The following CFAP58 variants were observed in gnomAD, a reference collection of about 807,000 sequenced individuals.
CFAP58 encodes cilia- and flagella-associated protein 58.
A neutral mutation model predicts 119.5 loss-of-function variants in CFAP58; 88 were observed. The observed-to-expected ratio is 0.74, with a 90% CI of 0.62 to 0.88. The LOEUF (loss-of-function observed/expected upper bound fraction) is 0.88, where lower values mean the gene tolerates loss of function less well. CFAP58 is among the 40% of genes least tolerant of loss of function. CFAP58 has a pLI of 0.00. For synonymous variants in CFAP58, 365 were observed against 366.3 expected (o/e 1.00, Z 0.04); for missense variants, 990 against 1,021.2 (o/e 0.97, Z 0.42).
intron 1 of CFAP58, among the ~76,000 whole-genome samples, chr10:104,354,179 G>A (rs2014508656): frequency 6.6e-6 from 1 of 152,164 alleles, no homozygotes; most frequent in African/African-American, 2.4e-5. Flanking sequence ...AAATCCACAC[G>A]TGACATGCAC....
intron 11 of CFAP58, among the ~76,000 whole-genome samples, chr10:104,396,232 T>C (rs1470229893): frequency 6.6e-6 from 1 of 152,158 alleles, no homozygotes; most frequent in African/African-American, 2.4e-5. Context: ...TGATAGCACT[T>C]TGATTCTTGG....
At chr10:104,378,913 T>TAA (rs35459140) in intron 8 of CFAP58, among the ~76,000 whole-genome samples, 4 of 140,424 alleles carry the variant, frequency 2.8e-5, no homozygotes, top group South Asian at 2.3e-4. Flanking sequence ...CAGTGCAGCT[T>TAA]AAAAAAAAAA....
intron 15 of CFAP58, among the ~76,000 whole-genome samples, chr10:104,435,593 A>C (rs781362048): frequency 6.6e-6 from 1 of 152,138 alleles, no homozygotes; most frequent in Non-Finnish European, 1.5e-5. Context: ...CTCCTCTCTC[A>C]TCTTTTCGGG....
Position 104,400,685 on chromosome 10 carries a change from C to T in CFAP58, c.1821C>T (p.Ile607=). ...LRQKKELDQV[I]SERDILGSQL... ...GCCCCTCCCTACCTTCCTAGGTCAT[C>T]AGTGAGAGAGATATCCTGGGGTCTC... The change falls in exon 13 of 18, where the codon ATC becomes ATT. Residue 607 remains isoleucine (I), a synonymous_variant. Coordinates refer to ENST00000369704, the MANE Select transcript of CFAP58 (RefSeq NM_001008723.2). The T allele has an allele frequency of 1.4e-5, 22 of 1,613,474 alleles. No individual in the cohort carries two copies. The highest frequency in any genetic ancestry group is 1.9e-5 in the Non-Finnish European group (22 of 1,179,790).
intron 17 of CFAP58, among the ~76,000 whole-genome samples, chr10:104,454,084 A>G (rs1011822006): frequency 6.6e-6 from 1 of 152,214 alleles, no homozygotes; most frequent in Non-Finnish European, 1.5e-5. Flanking sequence ...CAAGAAAAAG[A>G]TTCTTCTGAC....
chr10:104,372,912 C>T (rs563787280), intron 7 of CFAP58, among the ~76,000 whole-genome samples: 1 of 152,252 alleles, frequency 6.6e-6, no homozygotes, highest in African/African-American at 2.4e-5. Flanking sequence ...AAAAGTGGCA[C>T]TGGGCATAAT....
intron 15 of CFAP58, among the ~76,000 whole-genome samples, chr10:104,433,243 G>A (rs1253236029): frequency 6.6e-6 from 1 of 152,174 alleles, no homozygotes; most frequent in Non-Finnish European, 1.5e-5. Context: ...GTAGGCATGT[G>A]CCACAGCATG....
At chr10:104,433,874 T>A (rs1288433223) in intron 15 of CFAP58, among the ~76,000 whole-genome samples, 2 of 152,240 alleles carry the variant, frequency 1.3e-5, no homozygotes, top group Non-Finnish European at 2.9e-5. Flanking sequence ...ATCCTTTCCT[T>A]ATGCAGCTGT....
At chr10:104,411,159 C>T (rs1195224635) in intron 15 of CFAP58, among the ~76,000 whole-genome samples, 2 of 152,200 alleles carry the variant, frequency 1.3e-5, no homozygotes, top group Middle Eastern at 6.8e-3. Context: ...AGGCTGGTCT[C>T]GAACTCCTGA....
intron 3 of CFAP58, among the ~76,000 whole-genome samples, chr10:104,364,363 C>T (rs978381297): frequency 7.9e-5 from 12 of 151,452 alleles, no homozygotes; most frequent in African/African-American, 2.9e-4. Context: ...CACAACTTTC[C>T]ACCCTAAATT....
At chr10:104,393,142 G>A (rs374713843) in intron 10 of CFAP58, among the ~76,000 whole-genome samples, 187 bp from the exon 11 acceptor site, 8 of 152,132 alleles carry the variant, frequency 5.3e-5, no homozygotes, top group African/African-American at 1.9e-4. Flanking sequence ...AATATTTTGC[G>A]AGTTAATACA....
At chr10:104,447,653 T>C in intron 15 of CFAP58, 45 bp from the exon 16 acceptor site, 1 of 1,605,752 alleles carries the variant, frequency 6.2e-7, no homozygotes, top group Non-Finnish European at 8.5e-7. Flanking sequence ...TTTCCCTGTT[T>C]TGACGGGGCT....
At chr10:104,367,131 T>C (rs2014761201) in intron 5 of CFAP58, among the ~76,000 whole-genome samples, 1 of 152,126 alleles carries the variant, frequency 6.6e-6, no homozygotes, top group African/African-American at 2.4e-5. Flanking sequence ...GGTGCTAGGA[T>C]TACAGGCATG....
Position 104,358,487 on chromosome 10 carries a change from G to A in CFAP58, c.156G>A (p.Lys52=). 3.1e-6 allele frequency: 5 copies of A among 1,614,074 alleles called. No homozygotes were observed. The highest frequency in any genetic ancestry group is 3.4e-6 in the Non-Finnish European group (4 of 1,180,014). The change falls in exon 2 of 18, where the codon AAG becomes AAA. Residue 52 remains lysine, a synonymous_variant. Coordinates refer to ENST00000369704, the MANE Select transcript of CFAP58 (RefSeq NM_001008723.2). ...EYERLHAVMK[K]SYDNEKRLMA... is the part of the protein sequence containing the mutation. Reference sequence around the variant, plus strand: ...AGAGGCTTCATGCTGTCATGAAAAAGTCTTATGACAATGAAAAGCGTCTGA... The same window carrying A: ...AGAGGCTTCATGCTGTCATGAAAAAATCTTATGACAATGAAAAGCGTCTGA...
At chr10:104,453,318 G>A (rs2013223809) in intron 17 of CFAP58, among the ~76,000 whole-genome samples, 2 of 152,318 alleles carry the variant, frequency 1.3e-5, no homozygotes, top group South Asian at 4.1e-4. Context: ...CAATTCTGCT[G>A]AGAGACAGAT....
At chr10:104,368,027 A>T (rs7913744) in intron 5 of CFAP58, among the ~76,000 whole-genome samples, 138 of 152,362 alleles carry the variant, frequency 9.1e-4, no homozygotes, top group African/African-American at 3.3e-3. Flanking sequence ...GCTTCTGAAG[A>T]TGTAGCTTCC....
chr10:104,373,626 G>T (rs1463284140), intron 7 of CFAP58, among the ~76,000 whole-genome samples: 2 of 152,162 alleles, frequency 1.3e-5, no homozygotes, highest in Non-Finnish European at 2.9e-5. Flanking sequence ...CTGCACTCCA[G>T]CCTGGGTGAC....
intron 15 of CFAP58, among the ~76,000 whole-genome samples, chr10:104,408,273 C>T (rs1212439196): frequency 2.0e-5 from 3 of 152,184 alleles, no homozygotes; most frequent in Admixed American, 6.5e-5. Flanking sequence ...TTGATCATTT[C>T]GTGACTTTAA....
At position 104,357,908 on chromosome 10, in the gene CFAP58, TACAC is replaced by T. The variant is rs754200854; in HGVS notation, c.10-429_10-426del. Reference sequence around the variant, plus strand: ...ATATATAAACATATATGTACACATATACACACATATATGTACACATATACACACA... The same window carrying T: ...ATATATAAACATATATGTACACATATACATATATGTACACATATACACACA... On this transcript the variant is annotated intron_variant, in intron 1 of 17. Transcript: ENST00000369704. Among the ~76,000 whole-genome samples, 7 of 114,998 alleles carry T rather than the reference TACAC, an allele frequency of 6.1e-5. 1 individual carries two copies. The highest frequency in any genetic ancestry group is 9.4e-5 in the African/African-American group (2 of 21,268). 75.4% of individuals were successfully genotyped at this position (114,998 alleles called of 152,430 possible).
Sources: gnomAD v4.1 joint callset for allele counts (sites outside exome capture counted in the v4.1 genomes callset) on GRCh38, gnomAD v4.1.1 for gene constraint, MANE v1.5 for transcripts, NCBI Gene and HGNC (gene_info 2026-07-23, HGNC 2026-07-21) for gene names.